Variants in CFAP47 observed in about 807,000 individuals in gnomAD.
The protein encoded by CFAP47 is cilia and flagella associated protein 47.
In CFAP47, 29 loss-of-function variants were observed where a neutral mutation model predicts 148.1. That is an observed-to-expected ratio of 0.20 (90% CI 0.15 to 0.27). CFAP47 has a LOEUF of 0.27. Among genes scored for constraint, CFAP47 ranks in the 10% least tolerant of loss-of-function variants. The pLI is 1.00. For missense variants in CFAP47, 1,872 were observed against 1,697.5 expected (o/e 1.10, Z -1.81); for synonymous variants, 664 against 577.3 (o/e 1.15, Z -2.15).
Position 36,348,287 on chromosome X carries a change from A to T in CFAP47, c.8602A>T (p.Ser2868Cys). 1 of 990,440 alleles carries T rather than the reference A, an allele frequency of 1.0e-6. No individual in the cohort carries two copies. Among genetic ancestry groups the T allele is most frequent in the Non-Finnish European group, 1.3e-6 (1 of 768,443 alleles). The allele number at this position is 990,440 out of a possible 1,213,427, so 81.6% of individuals were successfully genotyped here. Residue 2868 changes from serine to cysteine, a missense_variant and splice_region_variant, in exon 58 of 64, where the codon AGT (serine) becomes TGT (cysteine). Ser to Cys is a moderately radical substitution (Grantham distance 112). Coordinates refer to ENST00000378653, the MANE Select transcript of CFAP47 (RefSeq NM_001304548.2). ...TGATGAGTTGGATATAAAATTTAAA[A>T]GGTAACATTTAAATAAAGACATTGA... ...NFDELDIKFK[S>C]IVGIDSEEIQ...
intron 21 of CFAP47, among the ~76,000 whole-genome samples, chrX:36,005,684 T>G (rs1448918625): frequency 8.9e-6 from 1 of 112,178 alleles, no homozygotes; most frequent in African/African-American, 3.2e-5. Context: ...TGTGCACATG[T>G]GTGCAATGGT....
Position 36,179,414 on chromosome X carries a change from G to A in CFAP47, c.6096G>A (p.Pro2032=). 6.7e-6 allele frequency: 2 copies of A among 296,514 alleles called. No individual in the cohort carries two copies. Among genetic ancestry groups the A allele is most frequent in the Non-Finnish European group, 1.2e-5 (2 of 169,579 alleles). The allele number at this position is 296,514 out of a possible 1,213,427, so 24.4% of individuals were successfully genotyped here. Residue 2032 remains proline (P), a synonymous_variant, in exon 40 of 64, where the codon CCG becomes CCA. Coordinates refer to ENST00000378653, the MANE Select transcript of CFAP47 (RefSeq NM_001304548.2). ...AGTTAACTGAATCCAGGCAATACCCGAAACATGAGTAAGTGTCTATATTTT... is the reference window on the plus strand; with the variant it reads ...AGTTAACTGAATCCAGGCAATACCCAAAACATGAGTAAGTGTCTATATTTT... ...PTKLTESRQY[P]KHDDDMSSSG...
intron 33 of CFAP47, among the ~76,000 whole-genome samples, chrX:36,128,742 T>C (rs994836390): frequency 9.1e-6 from 1 of 110,172 alleles, no homozygotes; most frequent in East Asian, 2.8e-4. Flanking sequence ...TGAATAATAT[T>C]GAATATATAT....
At chrX:36,145,666 C>CT (rs1355559715) in intron 36 of CFAP47, among the ~76,000 whole-genome samples, 38 of 110,450 alleles carry the variant, frequency 3.4e-4, no homozygotes, top group African/African-American at 1.1e-3. Flanking sequence ...ATGTTTATTC[C>CT]TTTTTTCAGG....
At chrX:36,324,668 T>C (rs782516592) in intron 57 of CFAP47, among the ~76,000 whole-genome samples, 1 of 111,581 alleles carries the variant, frequency 9.0e-6, no homozygotes, top group African/African-American at 3.2e-5. Context: ...CAAATATATG[T>C]TATTGGGATT....
chrX:35,985,942 C>G (rs1356473043), intron 15 of CFAP47: 2 of 337,763 alleles, frequency 5.9e-6, no homozygotes, highest in African/African-American at 2.7e-5. Context: ...ATGTGATTCT[C>G]TCAGTTAAAT....
chrX:35,971,879 G>A lies in CFAP47; in HGVS notation c.2168G>A (p.Gly723Glu). The change falls in exon 13 of 64, where the codon GGA becomes GAA. Residue 723 changes from glycine (G) to glutamate (E), a missense_variant. Coordinates refer to ENST00000378653, the MANE Select transcript of CFAP47 (RefSeq NM_001304548.2). Reference protein sequence around the residue: ...EESVRRKVLKGLKSEPSTPQE... With the variant: ...EESVRRKVLKELKSEPSTPQE... ...TATGATTTTTTACAGGTTCTCAAAG[G>A]ACTTAAATCAGAACCATCCACTCCA... 1 of 1,197,048 alleles carries A rather than the reference G, an allele frequency of 8.4e-7. No individual in the cohort carries two copies. The highest frequency in any genetic ancestry group is 1.1e-6 in the Non-Finnish European group (1 of 885,466).
intron 22 of CFAP47, among the ~76,000 whole-genome samples, chrX:36,018,997 T>C (rs1458624683): frequency 8.9e-6 from 1 of 111,788 alleles, no homozygotes; most frequent in East Asian, 2.8e-4. Context: ...AGACTTTTTA[T>C]TATGTCTTGA....
chrX:36,101,023 G>A (rs1938367341), intron 32 of CFAP47, among the ~76,000 whole-genome samples: 1 of 111,053 alleles, frequency 9.0e-6, no homozygotes, highest in Non-Finnish European at 1.9e-5. Flanking sequence ...TCTTCTGCAT[G>A]ATTCCTGACT....
At chrX:35,927,790 C>G (rs1935767704) in intron 2 of CFAP47, among the ~76,000 whole-genome samples, 2 of 110,191 alleles carry the variant, frequency 1.8e-5, no homozygotes, top group Admixed American at 2.0e-4. Context: ...ACCCACGAAC[C>G]CTAAACTGTG....
chrX:36,123,298 G>T (rs6632495), intron 33 of CFAP47, among the ~76,000 whole-genome samples: 2 of 111,185 alleles, frequency 1.8e-5, no homozygotes, highest in East Asian at 5.8e-4. Flanking sequence ...GCTACTGCTT[G>T]TGTTTGCTCA....
intron 59 of CFAP47, among the ~76,000 whole-genome samples, chrX:36,351,435 A>C (rs1414743664): frequency 1.8e-5 from 2 of 111,945 alleles, no homozygotes; most frequent in African/African-American, 3.2e-5. Context: ...TCATCTGATC[A>C]AAGTGATATA....
chrX:36,370,101 T>G (rs1329239456), intron 62 of CFAP47, among the ~76,000 whole-genome samples: 1 of 111,776 alleles, frequency 8.9e-6, no homozygotes, highest in African/African-American at 3.2e-5. Flanking sequence ...CATGGTTTAT[T>G]TTCTTTTTTA....
rs1302260764 is a variant in CFAP47, at chrX:36,039,005, C to A, written c.3833C>A (p.Ala1278Glu). 2.7e-6 allele frequency: 3 copies of A among 1,115,141 alleles called. No homozygotes were observed. The highest frequency in any genetic ancestry group is 3.6e-6 in the Non-Finnish European group (3 of 838,360). 91.9% of individuals were successfully genotyped at this position (1,115,141 alleles called of 1,213,427 possible). Reference sequence around the variant, plus strand: ...TTAGATCGTCCTGGGACATACACAGCAGATATTCCTATGCTTTTAAATTAT... The same window carrying A: ...TTAGATCGTCCTGGGACATACACAGAAGATATTCCTATGCTTTTAAATTAT... ...FCPNRPGTYT[A>E]DIPMLLNYIP... The change falls in exon 25 of 64, where the codon GCA (alanine) becomes GAA (glutamate). Residue 1278 changes from alanine to glutamate, a missense_variant. Transcript: ENST00000378653.
At chrX:36,126,490 CTAT>C (rs912101207) in intron 33 of CFAP47, among the ~76,000 whole-genome samples, 1 of 111,786 alleles carries the variant, frequency 8.9e-6, no homozygotes, top group Non-Finnish European at 1.9e-5. Flanking sequence ...TTTATCCAGT[CTAT>C]TATTGATGGA....
At chrX:36,297,556 C>T (rs1398165938) in intron 51 of CFAP47, among the ~76,000 whole-genome samples, 2 of 111,446 alleles carry the variant, frequency 1.8e-5, no homozygotes, top group Non-Finnish European at 3.8e-5. Context: ...TAGCTTTTGA[C>T]GTAGTGGAGA....
intron 27 of CFAP47, among the ~76,000 whole-genome samples, chrX:36,068,329 C>A (rs1937678710): frequency 8.9e-6 from 1 of 112,140 alleles, no homozygotes; most frequent in Non-Finnish European, 1.9e-5. Flanking sequence ...TTATCAATGT[C>A]TTTTTCTAAA....
At position 36,048,414 on chromosome X, in the gene CFAP47, T is replaced by C. The variant is rs1477977100; in HGVS notation, c.4217+1351T>C. The stretch of plus-strand genomic sequence containing the variant: ...TCATATGGAAGCCCATGGGCCTAAT[T>C]AAAAATATAAGACTGATTTCTTGAT... On this transcript the variant is annotated intron_variant, in intron 26 of 63. Coordinates refer to ENST00000378653, the MANE Select transcript of CFAP47 (RefSeq NM_001304548.2). Among the ~76,000 whole-genome samples, 4 of 111,350 alleles carry C rather than the reference T, an allele frequency of 3.6e-5. No homozygotes were observed. The Admixed American group carries it at 3.8e-4, about 11-fold the overall frequency.
At chrX:35,990,157 G>A (rs1417406243) in intron 16 of CFAP47, 1 of 111,522 alleles carries the variant, frequency 9.0e-6, no homozygotes, top group Non-Finnish European at 1.9e-5. Context: ...CATATACGAA[G>A]GCCTGATTGG....
Sources: gnomAD v4.1 joint callset for allele counts (sites outside exome capture counted in the v4.1 genomes callset) on GRCh38, gnomAD v4.1.1 for gene constraint, MANE v1.5 for transcripts, NCBI Gene and HGNC (gene_info 2026-07-23, HGNC 2026-07-21) for gene names.